The following ABCB4 variants were observed in gnomAD, a reference collection of about 807,000 sequenced individuals.
The protein encoded by ABCB4 is phosphatidylcholine translocator ABCB4.
In ABCB4, 76 loss-of-function variants were observed where a neutral mutation model predicts 145.7. That is an observed-to-expected ratio of 0.52 (90% CI 0.43 to 0.63). The LOEUF (loss-of-function observed/expected upper bound fraction) is 0.63, where lower values mean the gene tolerates loss of function less well. ABCB4 is among the 30% of genes least tolerant of loss of function. The pLI, the probability that ABCB4 is intolerant of heterozygous loss-of-function variation, is 0.00. For missense variants in ABCB4, 1,234 were observed against 1,553.1 expected (o/e 0.79, Z 3.45); for synonymous variants, 517 against 566.8 (o/e 0.91, Z 1.25).
the ABCB4 span, among the ~76,000 whole-genome samples, chr7:87,378,335 G>A: frequency 1.0e-5 from 1 of 97,784 alleles, no homozygotes; most frequent in African/African-American, 3.7e-5. Flanking sequence ...AACAGACTGA[G>A]ACTCCGACTC....
intron 2 of ABCB4, among the ~76,000 whole-genome samples, chr7:87,474,577 A>C (rs1045578235): frequency 6.6e-5 from 10 of 152,210 alleles, no homozygotes; most frequent in Non-Finnish European, 1.2e-4. Context: ...GACACAGGTC[A>C]ATTTTTTCTG....
the ABCB4 span, among the ~76,000 whole-genome samples, chr7:87,390,396 A>T: frequency 6.6e-6 from 1 of 152,104 alleles, no homozygotes; most frequent in Non-Finnish European, 1.5e-5. Context: ...ATATTTTATT[A>T]CTCATTTTTA....
chr7:87,460,718 T>TCGGC (rs1404524906), intron 4 of ABCB4, among the ~76,000 whole-genome samples: 1 of 151,368 alleles, frequency 6.6e-6, no homozygotes, highest in Non-Finnish European at 1.5e-5. Context: ...TGGCACCATC[T>TCGGC]CGGCTCACTA....
the ABCB4 span, among the ~76,000 whole-genome samples, chr7:87,370,829 G>C: frequency 1.3e-5 from 2 of 152,284 alleles, no homozygotes; most frequent in East Asian, 3.9e-4. Context: ...ATGTATTTCT[G>C]TCTGGAGCAC....
chr7:87,382,793 T>C, the ABCB4 span, among the ~76,000 whole-genome samples: 3,666 of 152,282 alleles, frequency 0.024, 148 homozygotes, highest in African/African-American at 0.081. Context: ...TGAAAGAGGA[T>C]TGGTCATCTT....
At chr7:87,411,193 T>A (rs1808596995) in intron 23 of ABCB4, among the ~76,000 whole-genome samples, 1 of 152,120 alleles carries the variant, frequency 6.6e-6, no homozygotes, top group African/African-American at 2.4e-5. Context: ...TTAACACACT[T>A]TCGCTTTTTT....
the ABCB4 span, chr7:87,391,642 C>A: frequency 6.2e-7 from 1 of 1,611,428 alleles, no homozygotes; most frequent in Non-Finnish European, 8.5e-7. Flanking sequence ...CATGGCCGTA[C>A]AGAGACTATG....
the ABCB4 span, among the ~76,000 whole-genome samples, chr7:87,394,595 A>G: frequency 1.3e-5 from 2 of 151,762 alleles, no homozygotes; most frequent in Non-Finnish European, 2.9e-5. Flanking sequence ...TGCTGCAGCT[A>G]CACTGGCAGG....
At chr7:87,470,966 C>G (rs1358956529) in intron 3 of ABCB4, among the ~76,000 whole-genome samples, 2 of 152,122 alleles carry the variant, frequency 1.3e-5, no homozygotes, top group Non-Finnish European at 2.9e-5. Flanking sequence ...TTGGAACCAA[C>G]CCAAATGTCC....
At chr7:87,369,941 A>T in the ABCB4 span, among the ~76,000 whole-genome samples, 1 of 145,550 alleles carries the variant, frequency 6.9e-6, no homozygotes, top group South Asian at 2.1e-4. Context: ...ATATAATGAT[A>T]ACTCCCGTGT....
At chr7:87,402,351 G>A (rs1365650233) in intron 27 of ABCB4, 49 bp from the exon 28 acceptor site, 1 of 1,602,408 alleles carries the variant, frequency 6.2e-7, no homozygotes. Flanking sequence ...GTATAAATTA[G>A]TTTTAACATT....
At chr7:87,401,384 C>T (rs1015943637), downstream of ABCB4, among the ~76,000 whole-genome samples, 2 of 152,066 alleles carry the variant, frequency 1.3e-5, no homozygotes, top group African/African-American at 2.4e-5. Flanking sequence ...GTAGGAAAAA[C>T]GGATTTTCTG....
intron 4 of ABCB4, among the ~76,000 whole-genome samples, chr7:87,460,101 T>C (rs1276270753): frequency 6.6e-6 from 1 of 152,010 alleles, no homozygotes; most frequent in Non-Finnish European, 1.5e-5. Flanking sequence ...ACTAAAGGGA[T>C]GGGTGAGAAA....
At chr7:87,410,702 C>T (rs1362657468) in intron 23 of ABCB4, among the ~76,000 whole-genome samples, 3 of 152,336 alleles carry the variant, frequency 2.0e-5, no homozygotes, top group African/African-American at 7.2e-5. Flanking sequence ...CTTCTATCCC[C>T]CTACTCCATG....
intron 18 of ABCB4, among the ~76,000 whole-genome samples, chr7:87,421,886 G>A (rs1315167717): frequency 1.3e-5 from 2 of 152,148 alleles, no homozygotes; most frequent in Admixed American, 1.3e-4. Context: ...GTAAACTGAG[G>A]TCTCTTGTCC....
chr7:87,458,171 C>T (rs372209378), intron 4 of ABCB4, among the ~76,000 whole-genome samples: 30 of 152,200 alleles, frequency 2.0e-4, no homozygotes, highest in African/African-American at 6.5e-4. Flanking sequence ...GCTATTTTCC[C>T]GCAGAATTTT....
intron 16 of ABCB4, among the ~76,000 whole-genome samples, chr7:87,425,989 A>C (rs1357055204): frequency 2.0e-5 from 3 of 152,216 alleles, no homozygotes; most frequent in Non-Finnish European, 4.4e-5. Context: ...TCTAAGTAAG[A>C]GAATTCCAAT....
At chr7:87,375,886 A>G in the ABCB4 span, 13 of 1,613,464 alleles carry the variant, frequency 8.1e-6, no homozygotes, top group Middle Eastern at 3.3e-4. Flanking sequence ...GAAAAAATTC[A>G]GAGTAGTTTA....
At chr7:87,381,850 A>G in the ABCB4 span, 1 of 1,168,960 alleles carries the variant, frequency 8.6e-7, no homozygotes, top group Non-Finnish European at 1.2e-6. Context: ...AAAATAAAAT[A>G]TTGGGTCAAG....
Sources: allele counts gnomAD v4.1 joint callset (sites outside exome capture counted in the v4.1 genomes callset), GRCh38; gene constraint gnomAD v4.1.1; transcripts MANE v1.5; gene names NCBI Gene and HGNC (gene_info 2026-07-23, HGNC 2026-07-21).